CTNNA3: variants seen among roughly 807,000 people sequenced by gnomAD.
CTNNA3 encodes catenin alpha-3.
A neutral mutation model predicts 95.7 loss-of-function variants in CTNNA3; 76 were observed. The ratio of observed to expected loss-of-function variants is 0.79; its 90% CI spans 0.66 to 0.96. The LOEUF (loss-of-function observed/expected upper bound fraction) is 0.96. Among genes scored for constraint, CTNNA3 ranks in the 40% least tolerant of loss-of-function variants. CTNNA3 has a pLI of 0.00. For synonymous variants in CTNNA3, 431 were observed against 374.4 expected (o/e 1.15, Z -1.74); for missense variants, 1,191 against 1,089.8 (o/e 1.09, Z -1.31).
At chr10:66,073,176 G>C (rs1004727416) in intron 14 of CTNNA3, among the ~76,000 whole-genome samples, 2 of 152,100 alleles carry the variant, frequency 1.3e-5, no homozygotes, top group African/African-American at 4.8e-5. Flanking sequence ...ATTTCATTTA[G>C]ACAGGAGGAA....
chr10:66,664,004 C>T (rs1162055769), intron 9 of CTNNA3, among the ~76,000 whole-genome samples: 2 of 152,088 alleles, frequency 1.3e-5, no homozygotes, highest in East Asian at 3.9e-4. Context: ...TTTTGTTTCC[C>T]TTAATATAAG....
At position 66,044,870 on chromosome 10, in the gene CTNNA3, C is replaced by T. The variant is rs10450292; in HGVS notation, c.2159+24438G>A. 2.4e-3 allele frequency among the ~76,000 whole-genome samples: 367 copies of T among 152,306 alleles called. 2 individuals are homozygous for T. Among genetic ancestry groups the T allele is most frequent in the African/African-American group, 8.2e-3 (342 of 41,566 alleles). On this transcript the variant is annotated intron_variant, in intron 15 of 17. Transcript: ENST00000433211. ...ATGCATTATTATATAATCATCACAG[C>T]AAACCTATCATGGATCTTCTTTCCT...
At chr10:66,911,201 G>A (rs941195385) in intron 7 of CTNNA3, among the ~76,000 whole-genome samples, 7 of 152,128 alleles carry the variant, frequency 4.6e-5, no homozygotes, top group East Asian at 1.9e-4. Context: ...AATAAAGACC[G>A]TTCTATACAT....
At chr10:67,651,533 G>A (rs183076679) in intron 1 of CTNNA3, among the ~76,000 whole-genome samples, 2 of 152,250 alleles carry the variant, frequency 1.3e-5, no homozygotes, top group East Asian at 3.9e-4. Context: ...CATTAAACAG[G>A]TGAAGGCCAG....
chr10:66,139,167 G>C (rs1589525290), intron 13 of CTNNA3, among the ~76,000 whole-genome samples: 1 of 152,120 alleles, frequency 6.6e-6, no homozygotes, highest in East Asian at 1.9e-4. Context: ...TGCACGCTTA[G>C]GGATATCATG....
At chr10:66,351,846 A>G (rs1464851918) in intron 12 of CTNNA3, among the ~76,000 whole-genome samples, 1 of 152,010 alleles carries the variant, frequency 6.6e-6, no homozygotes, top group Non-Finnish European at 1.5e-5. Flanking sequence ...GAAAATCTGA[A>G]TTATTTTATA....
At chr10:66,061,955 T>C (rs1182608395) in intron 15 of CTNNA3, among the ~76,000 whole-genome samples, 5 of 152,120 alleles carry the variant, frequency 3.3e-5, no homozygotes, top group Non-Finnish European at 7.4e-5. Context: ...ACTGATTGGG[T>C]CTTATCCTGT....
chr10:65,955,982 C>G (rs753465354), intron 17 of CTNNA3, among the ~76,000 whole-genome samples: 3 of 152,110 alleles, frequency 2.0e-5, no homozygotes, highest in Admixed American at 1.3e-4. Flanking sequence ...CCTCTTTGTG[C>G]CTCTGGGAGA....
In CTNNA3 at chr10:67,248,045, G is replaced by A. The variant is rs548424218; in HGVS notation, c.580-28175C>T. 1.6e-4 allele frequency among the ~76,000 whole-genome samples: 25 copies of A among 152,236 alleles called. No individual in the cohort carries two copies. The East Asian group carries it at 3.7e-3, about 22-fold the overall frequency. Reference sequence around the variant, plus strand: ...AGAAAGGATACTCTTTTCAGGCCTCGTGCAGTGGCTCACGCCTGTAATCCC... The same window carrying A: ...AGAAAGGATACTCTTTTCAGGCCTCATGCAGTGGCTCACGCCTGTAATCCC... On this transcript the variant is annotated intron_variant, in intron 5 of 17. Coordinates refer to ENST00000433211, the MANE Select transcript of CTNNA3 (RefSeq NM_013266.4).
chr10:67,757,395 T>C (rs544434537), intron 1 of CTNNA3, among the ~76,000 whole-genome samples: 3 of 152,180 alleles, frequency 2.0e-5, no homozygotes, highest in Non-Finnish European at 2.9e-5. Flanking sequence ...ATGCAAAGTA[T>C]TGTTCCTGGG....
chr10:66,926,209 T>C (rs1215820659), intron 7 of CTNNA3: 2 of 453,740 alleles, frequency 4.4e-6, no homozygotes, highest in South Asian at 3.3e-5. Flanking sequence ...TAGCCCCAAA[T>C]TGCCTGGAAG....
chr10:67,555,376 C>A (rs1841201753), intron 3 of CTNNA3, among the ~76,000 whole-genome samples: 2 of 152,154 alleles, frequency 1.3e-5, no homozygotes, highest in South Asian at 4.1e-4. Context: ...TTGATTCTTC[C>A]TATCCATGAG....
intron 1 of CTNNA3, among the ~76,000 whole-genome samples, chr10:67,686,641 A>G (rs1054705394): frequency 1.3e-5 from 2 of 152,084 alleles, no homozygotes; most frequent in Admixed American, 6.5e-5. Context: ...TATTATTTTG[A>G]TAGCCTCTGA....
chr10:67,561,834 A>G (rs1465004987), intron 3 of CTNNA3, among the ~76,000 whole-genome samples: 1 of 152,204 alleles, frequency 6.6e-6, no homozygotes, highest in East Asian at 1.9e-4. Flanking sequence ...AGAAATACAA[A>G]CTACCATCAG....
intron 7 of CTNNA3, among the ~76,000 whole-genome samples, chr10:67,095,617 T>A (rs890960535): frequency 1.3e-5 from 2 of 151,770 alleles, no homozygotes; most frequent in African/African-American, 4.8e-5. Flanking sequence ...TCATAAATCA[T>A]CACCATAGAA....
intron 10 of CTNNA3, among the ~76,000 whole-genome samples, chr10:66,572,621 C>G (rs1842903018): frequency 6.6e-6 from 1 of 151,628 alleles, no homozygotes; most frequent in African/African-American, 2.4e-5. Flanking sequence ...GTGAGAAATT[C>G]TAAGTTTGAA....
chr10:67,146,730 T>C (rs537573012), intron 7 of CTNNA3, among the ~76,000 whole-genome samples: 5 of 152,264 alleles, frequency 3.3e-5, no homozygotes, highest in Non-Finnish European at 7.4e-5. Context: ...AGAAAAAACA[T>C]CCAGAAATTT....
chr10:67,554,782 G>T (rs920085714), intron 3 of CTNNA3, among the ~76,000 whole-genome samples: 2 of 152,092 alleles, frequency 1.3e-5, no homozygotes, highest in Non-Finnish European at 2.9e-5. Context: ...GTCAATTTTG[G>T]CTTTTGTTGC....
At chr10:66,719,321 TTAAG>T (rs1267371726) in intron 9 of CTNNA3, among the ~76,000 whole-genome samples, 13 of 152,172 alleles carry the variant, frequency 8.5e-5, no homozygotes, top group Admixed American at 6.5e-5. Context: ...CTGATTTATA[TTAAG>T]TGTTTATTTG....
Sources: gnomAD v4.1 joint callset for allele counts (sites outside exome capture counted in the v4.1 genomes callset) on GRCh38, gnomAD v4.1.1 for gene constraint, MANE v1.5 for transcripts, NCBI Gene and HGNC (gene_info 2026-07-23, HGNC 2026-07-21) for gene names.